Variants in PHKB observed in about 807,000 individuals in gnomAD.
PHKB encodes phosphorylase kinase regulatory subunit beta, also known as phosphorylase b kinase regulatory subunit beta.
A neutral mutation model predicts 152.1 loss-of-function variants in PHKB; 122 were observed. The observed-to-expected ratio is 0.80, with a 90% CI of 0.69 to 0.93. The LOEUF is 0.93. Ranked by LOEUF, PHKB falls within the 40% of genes least tolerant of loss-of-function variation. PHKB has a pLI of 0.00. For synonymous variants in PHKB, 436 were observed against 464.9 expected (o/e 0.94, Z 0.80); for missense variants, 1,304 against 1,328.4 (o/e 0.98, Z 0.29).
At chr16:47,634,883 A>C (rs924319195) in intron 14 of PHKB, among the ~76,000 whole-genome samples, 6 of 152,112 alleles carry the variant, frequency 3.9e-5, no homozygotes, top group African/African-American at 1.4e-4. Context: ...AAGTTACTGG[A>C]GAGTTTTAGG....
intron 7 of PHKB, among the ~76,000 whole-genome samples, chr16:47,576,105 A>G (rs2151690446): frequency 6.6e-6 from 1 of 152,198 alleles, no homozygotes; most frequent in East Asian, 1.9e-4. Context: ...AAACAACAAC[A>G]GCAAAAAAAA....
At chr16:47,587,881 G>A in intron 9 of PHKB, 118 bp downstream of exon 9, 1 of 825,996 alleles carries the variant, frequency 1.2e-6, no homozygotes, top group South Asian at 1.5e-5. Context: ...GAAGGGATAA[G>A]AGGACATGAT....
chr16:47,536,819 C>T (rs1199088073), intron 6 of PHKB, among the ~76,000 whole-genome samples: 1 of 152,080 alleles, frequency 6.6e-6, no homozygotes, highest in Non-Finnish European at 1.5e-5. Context: ...AAAAAAAACA[C>T]ACTTGGAACA....
At chr16:47,482,685 A>G (rs1431879875) in intron 1 of PHKB, among the ~76,000 whole-genome samples, 1 of 152,216 alleles carries the variant, frequency 6.6e-6, no homozygotes, top group Non-Finnish European at 1.5e-5. Context: ...AATGCCTAAT[A>G]TAACATCTTT....
At chr16:47,574,751 C>T (rs763755962) in intron 7 of PHKB, among the ~76,000 whole-genome samples, 17 of 152,104 alleles carry the variant, frequency 1.1e-4, no homozygotes, top group Non-Finnish European at 1.9e-4. Context: ...TGACACCAAG[C>T]CATTCATGAG....
In PHKB at chr16:47,660,758, C is replaced by T. The variant is rs775434978; in HGVS notation, c.2135C>T (p.Pro712Leu). The T allele has an allele frequency of 6.2e-6, 10 of 1,614,088 alleles. No individual in the cohort carries two copies. The highest frequency in any genetic ancestry group is 2.2e-5 in the South Asian group (2 of 91,076). Reference protein sequence around the residue: ...TPSAPELGQQPDVNISEWKDK... With the variant: ...TPSAPELGQQLDVNISEWKDK... Reference sequence around the variant, plus strand: ...AGTGCTCCTGAACTGGGACAGCAGCCGGATGTCAACATTAGTGAATGGAAG... The same window carrying T: ...AGTGCTCCTGAACTGGGACAGCAGCTGGATGTCAACATTAGTGAATGGAAG... The change falls in exon 22 of 31, where the codon CCG (proline) becomes CTG (leucine). Residue 712 changes from proline (P) to leucine (L), a missense_variant. Physicochemically the swap from Pro to Leu is moderately conservative, Grantham distance 98. Transcript: ENST00000323584.
At chr16:47,471,452 G>C (rs1204719390) in intron 1 of PHKB, among the ~76,000 whole-genome samples, 2 of 152,140 alleles carry the variant, frequency 1.3e-5, no homozygotes, top group Admixed American at 6.5e-5. Context: ...AAATAGACTG[G>C]AAGGTGACAA....
chr16:47,624,980 A>G (rs1229800404), intron 14 of PHKB, among the ~76,000 whole-genome samples: 1 of 152,082 alleles, frequency 6.6e-6, no homozygotes, highest in Non-Finnish European at 1.5e-5. Context: ...CCTCCTTTAA[A>G]CCCTGTAAAA....
chr16:47,601,617 A>C lies in PHKB; in HGVS notation c.1363+5086A>C, dbSNP rs570650216. Among the ~76,000 whole-genome samples, 464 of 152,108 alleles carry C rather than the reference A, an allele frequency of 3.1e-3. 1 individual carries two copies. The highest frequency in any genetic ancestry group is 0.011 in the African/African-American group (453 of 41,494). ...TTACTCAGGAGGCTGAGGCAGGAGA[A>C]TCGCTTGAACCTGGGAGGCGGAGGT... On this transcript the variant is annotated intron_variant, in intron 13 of 30. Coordinates refer to ENST00000323584, the MANE Select transcript of PHKB (RefSeq NM_000293.3).
intron 1 of PHKB, among the ~76,000 whole-genome samples, chr16:47,461,693 TCC>T (rs1308388163): frequency 1.3e-5 from 2 of 152,152 alleles, no homozygotes; most frequent in Non-Finnish European, 2.9e-5. Flanking sequence ...GGTCCGGACT[TCC>T]CTTAGAGTCT....
chr16:47,695,197 G>A (rs1386392376), intron 28 of PHKB, among the ~76,000 whole-genome samples: 1 of 152,122 alleles, frequency 6.6e-6, no homozygotes, highest in African/African-American at 2.4e-5. Flanking sequence ...AGTCCTTTCA[G>A]AAGAGTAGGA....
intron 1 of PHKB, among the ~76,000 whole-genome samples, chr16:47,486,704 A>G (rs1353624937): frequency 6.6e-6 from 1 of 152,154 alleles, no homozygotes; most frequent in African/African-American, 2.4e-5. Flanking sequence ...AACCTCATGG[A>G]ACTATGGGAC....
chr16:47,582,828 C>T (rs1161749305), intron 8 of PHKB, among the ~76,000 whole-genome samples: 1 of 152,196 alleles, frequency 6.6e-6, no homozygotes, highest in African/African-American at 2.4e-5. Context: ...CAGCTTCTTG[C>T]TCTTGTCACC....
intron 7 of PHKB, chr16:47,565,847 G>A: frequency 7.7e-7 from 1 of 1,291,874 alleles, no homozygotes; most frequent in South Asian, 1.3e-5. Context: ...CAGCTTGACT[G>A]GACTGGGAGG....
chr16:47,565,182 G>A (rs574566798), intron 7 of PHKB: 7 of 591,778 alleles, frequency 1.2e-5, no homozygotes, highest in South Asian at 9.7e-5. Flanking sequence ...TTTTCCTTGG[G>A]TTTATATGGC....
intron 3 of PHKB, among the ~76,000 whole-genome samples, chr16:47,500,740 C>T (rs367949409): frequency 6.6e-6 from 1 of 151,804 alleles, no homozygotes; most frequent in South Asian, 2.1e-4. Flanking sequence ...CAAAATTTCT[C>T]CTTTATTTAT....
chr16:47,569,528 C>A (rs1372170290), intron 7 of PHKB, among the ~76,000 whole-genome samples: 1 of 152,184 alleles, frequency 6.6e-6, no homozygotes, highest in Non-Finnish European at 1.5e-5. Flanking sequence ...TGATATGGAG[C>A]TACTCTTGCA....
intron 7 of PHKB, among the ~76,000 whole-genome samples, chr16:47,570,913 T>C (rs897533830): frequency 2.6e-5 from 4 of 152,032 alleles, no homozygotes; most frequent in African/African-American, 9.7e-5. Flanking sequence ...GGATAAACTA[T>C]TTTTTATTAT....
intron 25 of PHKB, among the ~76,000 whole-genome samples, chr16:47,668,602 A>G (rs1481549282): frequency 1.3e-5 from 2 of 152,072 alleles, no homozygotes; most frequent in East Asian, 3.9e-4. Flanking sequence ...ATTTCACTCT[A>G]TGCTGTCTCC....
Sources: gnomAD v4.1 joint callset for allele counts (sites outside exome capture counted in the v4.1 genomes callset) on GRCh38, gnomAD v4.1.1 for gene constraint, MANE v1.5 for transcripts, NCBI Gene and HGNC (gene_info 2026-07-23, HGNC 2026-07-21) for gene names.